PAX5: variants seen among roughly 807,000 people sequenced by gnomAD.
PAX5 encodes the protein paired box protein Pax-5.
Under a neutral mutation model 43.7 loss-of-function variants are expected in PAX5, and 9 were observed. That is an observed-to-expected ratio of 0.21 (90% CI 0.12 to 0.36). PAX5 has a LOEUF of 0.36. Among genes scored for constraint, PAX5 ranks in the 10% least tolerant of loss-of-function variants. The probability of loss-of-function intolerance (pLI) is 1.00; values close to 1 mark genes in which losing one functional copy is unlikely to be tolerated. For synonymous variants in PAX5, 228 were observed against 214.3 expected (o/e 1.06, Z -0.56); for missense variants, 383 against 532.7 (o/e 0.72, Z 2.77).
intron 5 of PAX5, among the ~76,000 whole-genome samples, chr9:36,976,043 G>A (rs770873320): frequency 2.0e-5 from 3 of 152,164 alleles, no homozygotes; most frequent in Non-Finnish European, 4.4e-5. Context: ...GAGAACTCAG[G>A]AGTGGCTTCT....
chr9:36,964,601 A>G (rs1267459011), intron 6 of PAX5, among the ~76,000 whole-genome samples: 2 of 152,024 alleles, frequency 1.3e-5, no homozygotes, highest in African/African-American at 2.4e-5. Flanking sequence ...TCACAAAAAA[A>G]AAAAAAAAAA....
intron 8 of PAX5, among the ~76,000 whole-genome samples, chr9:36,853,905 T>C (rs896404028): frequency 1.3e-5 from 2 of 152,222 alleles, no homozygotes; most frequent in African/African-American, 2.4e-5. Context: ...GGGCTCAGTA[T>C]AGCTCTTAAT....
chr9:36,835,384 TG>T lies in PAX5; in HGVS notation c.*5175del, dbSNP rs1426554791. ...CGGCAGCTCATTTCAGAGAAGCTGTTGCCTCATCAGGGGAGCAGGCAGGCAA... is the reference window on the plus strand; with the variant it reads ...CGGCAGCTCATTTCAGAGAAGCTGTTCCTCATCAGGGGAGCAGGCAGGCAA... On this transcript the variant is annotated 3_prime_UTR_variant, in exon 10 of 10. Transcript: ENST00000358127. 14 of 232,540 alleles carry T rather than the reference TG, an allele frequency of 6.0e-5. No individual in the cohort carries two copies. In the Admixed American group the frequency reaches 7.9e-4, roughly 13 times the overall value. The allele number at this position is 232,540 out of a possible 1,614,324, so 14.4% of individuals were successfully genotyped here. A position where few individuals can be genotyped will look rare whatever the true frequency, so the allele number is the denominator to read the frequency against.
At position 37,015,236 on chromosome 9, in the gene PAX5, T is replaced by G; in HGVS notation, c.213-42A>C. On this transcript the variant is annotated intron_variant, in intron 2 of 9. Transcript: ENST00000358127. The surrounding 1 kb of genome is among the most constrained non-coding windows in gnomAD (Gnocchi z 4.4). ...AAGAAGCTTAGCCATGAGGAACCAG[T>G]AAAGTGGATATTGGCAACAAAATAA... is the stretch of plus-strand genomic sequence containing the variant. 2 of 1,553,314 alleles carry G rather than the reference T, an allele frequency of 1.3e-6. No homozygotes were observed. The highest frequency in any genetic ancestry group is 1.8e-6 in the Non-Finnish European group (2 of 1,125,486).
chr9:36,977,163 G>A (rs747397064), intron 5 of PAX5, among the ~76,000 whole-genome samples: 2 of 152,132 alleles, frequency 1.3e-5, no homozygotes, highest in Admixed American at 6.6e-5. Context: ...CTCACTCTGC[G>A]AGACACTGTT....
chr9:36,845,300 C>A (rs1023839454), intron 9 of PAX5, among the ~76,000 whole-genome samples: 6 of 152,232 alleles, frequency 3.9e-5, no homozygotes, highest in Admixed American at 6.5e-5. Flanking sequence ...CCTACCCCCA[C>A]CCCTGCTGGA....
At chr9:36,999,604 C>T (rs1837678882) in intron 5 of PAX5, among the ~76,000 whole-genome samples, 1 of 152,186 alleles carries the variant, frequency 6.6e-6, no homozygotes, top group African/African-American at 2.4e-5. Context: ...TCAGTCACCT[C>T]ATCCGAAAAA....
At chr9:36,984,609 T>C (rs1836241630) in intron 5 of PAX5, among the ~76,000 whole-genome samples, 1 of 151,586 alleles carries the variant, frequency 6.6e-6, no homozygotes, top group South Asian at 2.1e-4. Flanking sequence ...CCAGGCTAAT[T>C]TTTTGTATTT....
chr9:36,854,732 G>T (rs1823493669), intron 8 of PAX5, among the ~76,000 whole-genome samples: 1 of 152,110 alleles, frequency 6.6e-6, no homozygotes, highest in African/African-American at 2.4e-5. Context: ...CAGCCTGTCG[G>T]CCCCGACAGC....
Position 37,002,656 on chromosome 9 carries a change from C to T in PAX5, c.596G>A (p.Arg199Lys). ...SPSADTNKRK[R>K]DEGIQESPVP... Reference sequence around the variant, plus strand: ...GCGCGGGCCTCTCTTACCTTCGTCTCTCTTGCGCTTGTTGGTGTCGGCGCT... The same window carrying T: ...GCGCGGGCCTCTCTTACCTTCGTCTTTCTTGCGCTTGTTGGTGTCGGCGCT... The change falls in exon 5 of 10, where the codon AGA becomes AAA. Residue 199 changes from arginine (R) to lysine (K), a missense_variant. This residue lies in a region of PAX5 where 291 missense variants were observed against 342.5 expected (regional missense o/e 0.85). Coordinates refer to ENST00000358127, the MANE Select transcript of PAX5 (RefSeq NM_016734.3). 1 of 1,612,258 alleles carries T rather than the reference C, an allele frequency of 6.2e-7. No homozygotes were observed. The highest frequency in any genetic ancestry group is 8.5e-7 in the Non-Finnish European group (1 of 1,179,424).
In PAX5 at chr9:36,839,348, G is replaced by A. The variant is rs1028130400; in HGVS notation, c.*1212C>T. On this transcript the variant is annotated 3_prime_UTR_variant, in exon 10 of 10. Transcript: ENST00000358127. ...ATCAACAGGTGGGCATGCATTGTGC[G>A]AAATTAGGCATCTGCCCCAGCCCCA... 3.0e-5 allele frequency: 7 copies of A among 233,380 alleles called. No individual in the cohort carries two copies. Among genetic ancestry groups the A allele is most frequent in the African/African-American group, 1.1e-4 (5 of 45,368 alleles). 14.5% of individuals were successfully genotyped at this position (233,380 alleles called of 1,614,324 possible).
intron 9 of PAX5, 52 bp downstream of exon 9, chr9:36,846,791 G>C (rs1270259767): frequency 6.7e-6 from 9 of 1,346,044 alleles, no homozygotes; most frequent in African/African-American, 2.9e-5. Flanking sequence ...AGGAGGCCTG[G>C]ATGGGGTAGC....
chr9:36,976,265 CAAA>C (rs1375263467), intron 5 of PAX5, among the ~76,000 whole-genome samples: 1 of 152,180 alleles, frequency 6.6e-6, no homozygotes, highest in Non-Finnish European at 1.5e-5. Flanking sequence ...ACAACAACAA[CAAA>C]ATGCTGTTCA....
At chr9:36,970,429 G>A (rs1834838130) in intron 5 of PAX5, among the ~76,000 whole-genome samples, 1 of 152,162 alleles carries the variant, frequency 6.6e-6, no homozygotes, top group South Asian at 2.1e-4. Flanking sequence ...ACAGCCCCAG[G>A]GGCCAGAGAG....
chr9:37,010,625 C>T (rs1838841225), intron 3 of PAX5, among the ~76,000 whole-genome samples: 2 of 152,174 alleles, frequency 1.3e-5, no homozygotes, highest in Admixed American at 1.3e-4. Flanking sequence ...ACGCCCCCCG[C>T]CCCACCACCA....
intron 6 of PAX5, among the ~76,000 whole-genome samples, chr9:36,930,382 C>T (rs1831031500): frequency 6.6e-6 from 1 of 152,022 alleles, no homozygotes; most frequent in South Asian, 2.1e-4. Flanking sequence ...CGCCACCACA[C>T]CCAGCACCTA....
intron 5 of PAX5, among the ~76,000 whole-genome samples, chr9:36,997,589 C>T (rs774839159): frequency 3.9e-5 from 6 of 152,192 alleles, no homozygotes; most frequent in Non-Finnish European, 7.3e-5. Context: ...CTGGGCCTTC[C>T]GGAGAGGGAG....
intron 1 of PAX5, among the ~76,000 whole-genome samples, chr9:37,032,590 G>T (rs1368429927): frequency 2.6e-5 from 4 of 152,192 alleles, no homozygotes; most frequent in African/African-American, 4.8e-5. Flanking sequence ...AGTTGTCCTG[G>T]GCTTGGGGTC....
At chr9:37,026,013 G>A (rs1222044761) in intron 1 of PAX5, among the ~76,000 whole-genome samples, 1 of 152,256 alleles carries the variant, frequency 6.6e-6, no homozygotes, top group Non-Finnish European at 1.5e-5. Flanking sequence ...ACTCCAGGAC[G>A]CCTTTGGAGC....
Sources: allele counts gnomAD v4.1 joint callset (sites outside exome capture counted in the v4.1 genomes callset), GRCh38; gene constraint gnomAD v4.1.1; regional missense constraint gnomAD v4.1.1; non-coding constraint Gnocchi (gnomAD v3.1); transcripts MANE v1.5; gene names NCBI Gene and HGNC (gene_info 2026-07-23, HGNC 2026-07-21).